The following GRIP2 variants were observed in gnomAD, a reference collection of about 807,000 sequenced individuals.
The protein encoded by GRIP2 is glutamate receptor interacting protein 2, also known as glutamate receptor-interacting protein 2.
In GRIP2, 58 loss-of-function variants were observed where a neutral mutation model predicts 108.3. The ratio of observed to expected loss-of-function variants is 0.54; its 90% CI spans 0.43 to 0.67. The LOEUF (loss-of-function observed/expected upper bound fraction) is 0.67, where lower values mean the gene tolerates loss of function less well. Ranked by LOEUF, GRIP2 falls within the 30% of genes least tolerant of loss-of-function variation. The pLI, the probability that GRIP2 is intolerant of heterozygous loss-of-function variation, is 0.00. For missense variants in GRIP2, 1,278 were observed against 1,430.6 expected, an observed-to-expected ratio of 0.89 and a Z score of 1.72; for synonymous variants, 586 against 598.2, an observed-to-expected ratio of 0.98 and a Z score of 0.30.
intron 21 of GRIP2, among the ~76,000 whole-genome samples, chr3:14,500,832 C>A (rs1303218086): frequency 1.3e-5 from 2 of 151,920 alleles, no homozygotes; most frequent in African/African-American, 4.8e-5. Context: ...CTGATAAAAC[C>A]CCCACGTTCA....
At chr3:14,603,000 G>C in the GRIP2 span, among the ~76,000 whole-genome samples, 1 of 146,622 alleles carries the variant, frequency 6.8e-6, no homozygotes, top group Admixed American at 6.8e-5. The surrounding 1 kb of genome is among the most constrained non-coding windows in gnomAD (Gnocchi z 4.7). Context: ...GCCGCCCTGC[G>C]GCCCGGCCCG....
intron 1 of GRIP2, among the ~76,000 whole-genome samples, chr3:14,555,405 G>A (rs983465746): frequency 1.3e-5 from 2 of 152,114 alleles, no homozygotes; most frequent in Non-Finnish European, 1.5e-5. Flanking sequence ...GGCGATGAAG[G>A]AGACACACAG....
At chr3:14,545,421 A>G (rs2124970364), upstream of GRIP2, among the ~76,000 whole-genome samples, 1 of 152,308 alleles carries the variant, frequency 6.6e-6, no homozygotes, top group East Asian at 1.9e-4. Context: ...ATGTGAACAC[A>G]GAGTCAGGAG....
chr3:14,598,500 T>C, the GRIP2 span, among the ~76,000 whole-genome samples: 1 of 150,930 alleles, frequency 6.6e-6, no homozygotes. Flanking sequence ...GACAGCCTTT[T>C]ATCTCCCACA....
chr3:14,541,400 G>A (rs1271909421), upstream of GRIP2, among the ~76,000 whole-genome samples: 5 of 152,296 alleles, frequency 3.3e-5, no homozygotes, highest in East Asian at 9.6e-4. Context: ...TGACCGCGTG[G>A]GAACACACGA....
In GRIP2 at chr3:14,512,935, G is replaced by T; in HGVS notation, c.1640-78C>A. Reference sequence around the variant, plus strand: ...CGAACCCCAGCCCCATGCCCATTCTGGCTGTGCTGGGAGTGACCCCGAAAG... The same window carrying T: ...CGAACCCCAGCCCCATGCCCATTCTTGCTGTGCTGGGAGTGACCCCGAAAG... On this transcript the variant is annotated intron_variant, in intron 13 of 23. Coordinates refer to ENST00000621039, the MANE Select transcript of GRIP2 (RefSeq NM_001080423.4). The surrounding 1 kb of genome is among the most constrained non-coding windows in gnomAD (Gnocchi z 5.1). 1 of 1,312,160 alleles carries T rather than the reference G, an allele frequency of 7.6e-7. No individual in the cohort carries two copies. Among genetic ancestry groups the T allele is most frequent in the Non-Finnish European group, 1.1e-6 (1 of 907,222 alleles). The allele number at this position is 1,312,160 out of a possible 1,614,324, so 81.3% of individuals were successfully genotyped here. A position where few individuals can be genotyped will look rare whatever the true frequency, so the allele number is the denominator to read the frequency against.
chr3:14,539,376 G>T (rs959055797), intron 1 of GRIP2, among the ~76,000 whole-genome samples: 6 of 152,150 alleles, frequency 3.9e-5, no homozygotes, highest in African/African-American at 1.2e-4. Flanking sequence ...GGGAAGGGAG[G>T]TGGGAATCAA....
At chr3:14,587,895 A>G in the GRIP2 span, among the ~76,000 whole-genome samples, 2 of 152,094 alleles carry the variant, frequency 1.3e-5, no homozygotes, top group Admixed American at 6.6e-5. Flanking sequence ...AATCTTTTCA[A>G]TCTTGCACTC....
chr3:14,549,427 G>C (rs998246396), intron 1 of GRIP2, among the ~76,000 whole-genome samples: 3 of 152,218 alleles, frequency 2.0e-5, no homozygotes, highest in African/African-American at 7.2e-5. Flanking sequence ...GCCCTGGCAG[G>C]AGAGGCCACA....
In GRIP2 at chr3:14,513,749, C is replaced by T; in HGVS notation, c.1555G>A (p.Gly519Arg). The change falls in exon 13 of 24, where the codon GGG becomes AGG. Residue 519 changes from glycine to arginine, a missense_variant. Gly to Arg is a moderately radical substitution (Grantham distance 125, BLOSUM62 -2). Transcript: ENST00000621039. ...AGCTGGTTGGCTTCCTCCATAGTCC[C>T]GTCCTCGGTGGCAATGCCATTGATG... The part of the protein sequence containing the change: ...LSINGIATED[G>R]TMEEANQLLR... 1.2e-5 allele frequency: 19 copies of T among 1,611,516 alleles called. No individual in the cohort carries two copies. The highest frequency in any genetic ancestry group is 2.2e-5 in the East Asian group (1 of 44,800).
At chr3:14,500,730 A>AG (rs1693741940) in intron 21 of GRIP2, among the ~76,000 whole-genome samples, 1 of 152,212 alleles carries the variant, frequency 6.6e-6, no homozygotes, top group Admixed American at 6.5e-5. Flanking sequence ...TACCACCTAA[A>AG]GGCCCTCGGT....
the GRIP2 span, among the ~76,000 whole-genome samples, chr3:14,586,376 G>T: frequency 6.6e-6 from 1 of 152,204 alleles, no homozygotes; most frequent in African/African-American, 2.4e-5. Flanking sequence ...TGGCATGTGC[G>T]AGTTAAACAG....
chr3:14,498,896 A>G (rs1292482367), intron 21 of GRIP2, among the ~76,000 whole-genome samples: 1 of 152,240 alleles, frequency 6.6e-6, no homozygotes, highest in African/African-American at 2.4e-5. Flanking sequence ...TTAGTGGCCC[A>G]TGGAAGGTAA....
At chr3:14,499,357 C>T (rs9853803) in intron 21 of GRIP2, among the ~76,000 whole-genome samples, 10,442 of 152,128 alleles carry the variant, frequency 0.069, 533 homozygotes, top group African/African-American at 0.13. Context: ...AAAAAGCCCA[C>T]CTGCCCACAG....
chr3:14,527,044 G>A (rs529619600), intron 1 of GRIP2, among the ~76,000 whole-genome samples: 4 of 152,210 alleles, frequency 2.6e-5, no homozygotes, highest in Admixed American at 1.3e-4. Context: ...AAAATTGGCC[G>A]GGCATGGTGG....
chr3:14,558,818 T>C (rs1695277299), upstream of GRIP2, among the ~76,000 whole-genome samples: 1 of 152,192 alleles, frequency 6.6e-6, no homozygotes, highest in African/African-American at 2.4e-5. Context: ...CAAAACTGAC[T>C]ACGGAGCCCA....
chr3:14,538,828 G>A (rs1292939249), intron 1 of GRIP2, among the ~76,000 whole-genome samples: 1 of 152,226 alleles, frequency 6.6e-6, no homozygotes, highest in East Asian at 1.9e-4. Context: ...AGGCCAGGGA[G>A]GAGACTGGGC....
the GRIP2 span, among the ~76,000 whole-genome samples, chr3:14,601,424 C>G: frequency 1.3e-4 from 20 of 152,184 alleles, no homozygotes; most frequent in Non-Finnish European, 2.5e-4. Context: ...ACACCGCCCC[C>G]CTCCTTATTG....
In GRIP2 at chr3:14,496,574, G is replaced by A. The variant is rs372434027; in HGVS notation, c.2680-14C>T. 8.7e-5 allele frequency: 139 copies of A among 1,589,076 alleles called. No homozygotes were observed. The highest frequency in any genetic ancestry group is 1.7e-4 in the Middle Eastern group (1 of 5,988). On this transcript the variant is annotated splice_polypyrimidine_tract_variant and intron_variant, in intron 21 of 23. Coordinates refer to ENST00000621039, the MANE Select transcript of GRIP2 (RefSeq NM_001080423.4). ...CATGATGGATGCCTGCAAGGAACAC[G>A]GCCTTTCTTTCAGATGCTTGTTGGC...
Sources: allele counts gnomAD v4.1 joint callset (sites outside exome capture counted in the v4.1 genomes callset), GRCh38; gene constraint gnomAD v4.1.1; non-coding constraint Gnocchi (gnomAD v3.1); transcripts MANE v1.5; gene names NCBI Gene and HGNC (gene_info 2026-07-23, HGNC 2026-07-21).